CFAP74: variants seen among roughly 807,000 people sequenced by gnomAD.
CFAP74 encodes the protein cilia and flagella associated protein 74, also known as cilia- and flagella-associated protein 74.
In CFAP74, 124 loss-of-function variants were observed where a neutral mutation model predicts 188.9. The observed-to-expected ratio is 0.66, with a 90% CI of 0.57 to 0.76. The LOEUF is 0.76. Among genes scored for constraint, CFAP74 ranks in the 30% least tolerant of loss-of-function variants. CFAP74 has a pLI of 0.00. For missense variants in CFAP74, 2,198 were observed against 2,165.2 expected, an observed-to-expected ratio of 1.02 and a Z score of -0.30; for synonymous variants, 956 against 916.7, an observed-to-expected ratio of 1.04 and a Z score of -0.77.
At chr1:1,985,587 G>A (rs1657184212) in intron 5 of CFAP74, 97 bp from the exon 6 acceptor site, 3 of 992,626 alleles carry the variant, frequency 3.0e-6, no homozygotes, top group Non-Finnish European at 4.7e-6. Context: ...CTCTCGCTCA[G>A]GAGGGAAATC....
intron 6 of CFAP74, among the ~76,000 whole-genome samples, chr1:1,977,746 C>A (rs555771408): frequency 1.4e-5 from 2 of 147,610 alleles, no homozygotes; most frequent in African/African-American, 5.0e-5. Context: ...TCGAGGAAAC[C>A]TGGACCCAAG....
chr1:1,926,041 C>G (rs1304953680), intron 32 of CFAP74, 103 bp from the exon 33 acceptor site: 2 of 1,418,054 alleles, frequency 1.4e-6, no homozygotes, highest in African/African-American at 1.4e-5. Context: ...GTTGAGACAG[C>G]TCTGGGGGGG....
rs200143723 is a variant in CFAP74, at chr1:1,938,394, GCACT to G, written c.3011+457_3011+460del. The stretch of plus-strand genomic sequence containing the variant: ...CACCCACCTACGTGTACTCACATAG[GCACT>G]CACCCCCATACACTCACATACCTGC... On this transcript the variant is annotated intron_variant, in intron 25 of 38. Coordinates refer to ENST00000682832, the MANE Select transcript of CFAP74 (RefSeq NM_001304360.2). Among the ~76,000 whole-genome samples, 1,157 of 149,812 alleles carry G rather than the reference GCACT, an allele frequency of 7.7e-3. 12 individuals are homozygous for G. Among genetic ancestry groups the G allele is most frequent in the African/African-American group, 0.027 (1,100 of 40,464 alleles).
At chr1:1,939,793 C>A in intron 23 of CFAP74, 26 bp from the exon 24 acceptor site, 1 of 1,525,454 alleles carries the variant, frequency 6.6e-7, no homozygotes, top group South Asian at 1.2e-5. Context: ...CACAGGCGCC[C>A]TCGCAGCCAC....
chr1:1,968,481 G>A lies in CFAP74; in HGVS notation c.1245+154C>T, dbSNP rs563103319. Among the ~76,000 whole-genome samples, 3 of 152,082 alleles carry A rather than the reference G, an allele frequency of 2.0e-5. No individual in the cohort carries two copies. In the South Asian group the frequency reaches 6.2e-4, roughly 32 times the overall value. On this transcript the variant is annotated intron_variant, in intron 11 of 38. Coordinates refer to ENST00000682832, the MANE Select transcript of CFAP74 (RefSeq NM_001304360.2). This position sits in a 1 kb window ranked among gnomAD's most constrained non-coding sequence, Gnocchi z 4.3. Reference sequence around the variant, plus strand: ...GTGTGTCTTGTCCCCTTGTCCTTGAGCTGAGTGGCGGCCACTCAGCGGGCT... The same window carrying A: ...GTGTGTCTTGTCCCCTTGTCCTTGAACTGAGTGGCGGCCACTCAGCGGGCT...
chr1:1,946,468 G>T (rs1240244123), intron 19 of CFAP74, 29 bp from the exon 20 acceptor site: 2 of 1,511,298 alleles, frequency 1.3e-6, no homozygotes, highest in Admixed American at 4.2e-5. Flanking sequence ...CATGGGGTCT[G>T]CCAGGCTTCA....
At chr1:1,927,419 T>C in intron 28 of CFAP74, 188 bp downstream of exon 28, 1 of 626,574 alleles carries the variant, frequency 1.6e-6, no homozygotes, top group Non-Finnish European at 2.7e-6. Context: ...GTGTCAGGCC[T>C]GGGGAAATGG....
At chr1:1,990,819 G>A in intron 2 of CFAP74, 71 bp downstream of exon 2, 2 of 1,176,252 alleles carry the variant, frequency 1.7e-6, no homozygotes, top group African/African-American at 3.1e-5. Context: ...GAATTAAAGG[G>A]CTACTATGAA....
chr1:1,993,916 A>G lies in CFAP74; in HGVS notation c.-19-2941T>C, dbSNP rs949223608. On this transcript the variant is annotated intron_variant, in intron 1 of 38. Coordinates refer to ENST00000682832, the MANE Select transcript of CFAP74 (RefSeq NM_001304360.2). The stretch of plus-strand genomic sequence containing the variant: ...AGAATGGCGTGAACCCGGGAGGCGG[A>G]GCTTGCAGTGAGCCGAGATCACACC... 1.3e-4 allele frequency among the ~76,000 whole-genome samples: 20 copies of G among 151,098 alleles called. No homozygotes were observed. The East Asian group carries it at 2.1e-3, about 16-fold the overall frequency.
chr1:1,926,174 T>G, intron 32 of CFAP74, 54 bp downstream of exon 32: 1 of 1,464,460 alleles, frequency 6.8e-7, no homozygotes, highest in Non-Finnish European at 9.0e-7. Context: ...GCCTTTGTTC[T>G]GCAGTGTGGG....
In CFAP74 at chr1:1,946,306, G is replaced by T; in HGVS notation, c.2364+11C>A. ...AGGGTGTGTGCGTGGCGTGGCAGCA[G>T]GAATACTCACCGTGGGGCACTGGGG... On this transcript the variant is annotated intron_variant, in intron 20 of 38. Coordinates refer to ENST00000682832, the MANE Select transcript of CFAP74 (RefSeq NM_001304360.2). 6.5e-7 allele frequency: 1 copy of T among 1,532,878 alleles called. No individual in the cohort carries two copies. Among genetic ancestry groups the T allele is most frequent in the Non-Finnish European group, 8.7e-7 (1 of 1,144,714 alleles). 95.0% of individuals were successfully genotyped at this position (1,532,878 alleles called of 1,614,324 possible).
In CFAP74 at chr1:1,985,372, G is replaced by C. The variant is rs1553233372; in HGVS notation, c.500+14C>G. On this transcript the variant is annotated intron_variant, in intron 6 of 38. Transcript: ENST00000682832. ...GGCCTGCCTGCTGCCAGTCCCGGCTGCACACCGACTCACTCGCTCTCCTTC... is the reference window on the plus strand; with the variant it reads ...GGCCTGCCTGCTGCCAGTCCCGGCTCCACACCGACTCACTCGCTCTCCTTC... 6.2e-7 allele frequency: 1 copy of C among 1,608,222 alleles called. No homozygotes were observed.
intron 6 of CFAP74, chr1:1,984,792 G>A (rs890551253): frequency 6.5e-6 from 1 of 153,668 alleles, no homozygotes; most frequent in Non-Finnish European, 1.4e-5. Context: ...GTGGCCTGAG[G>A]CCTGCACTCA....
chr1:1,970,946 C>T (rs1002402976), intron 9 of CFAP74, 130 bp from the exon 10 acceptor site: 3 of 1,103,684 alleles, frequency 2.7e-6, no homozygotes, highest in African/African-American at 1.6e-5. Flanking sequence ...CACATGCACA[C>T]CTGCACATGC....
At chr1:1,996,108 C>G (rs981297574) in intron 1 of CFAP74, among the ~76,000 whole-genome samples, 3 of 152,060 alleles carry the variant, frequency 2.0e-5, no homozygotes, top group Admixed American at 6.6e-5. Flanking sequence ...CCCCAGCCTC[C>G]TGGGCAGCTG....
rs1471611129 is a variant in CFAP74, at chr1:1,968,978, C to T, written c.1047-145G>A. On this transcript the variant is annotated intron_variant, in intron 10 of 38. Coordinates refer to ENST00000682832, the MANE Select transcript of CFAP74 (RefSeq NM_001304360.2). This position sits in a 1 kb window ranked among gnomAD's most constrained non-coding sequence, Gnocchi z 4.3. ...CAGCCCCAGGTGAGACAGCGCCTGG[C>T]GGCCCCTCCCTAGCTCCCTCCTGGG... 10 of 407,588 alleles carry T rather than the reference C, an allele frequency of 2.5e-5. No individual in the cohort carries two copies. Among genetic ancestry groups the T allele is most frequent in the East Asian group, 5.0e-5 (1 of 20,142 alleles). The allele number at this position is 407,588 out of a possible 1,614,324, so 25.2% of individuals were successfully genotyped here.
intron 5 of CFAP74, among the ~76,000 whole-genome samples, 194 bp from the exon 6 acceptor site, chr1:1,985,684 A>G (rs1323826449): frequency 6.6e-6 from 1 of 152,220 alleles, no homozygotes; most frequent in African/African-American, 2.4e-5. Context: ...CAGTGCCCAC[A>G]TGGCACAGCC....
chr1:1,995,967 TCAAA>T (rs1657894677), intron 1 of CFAP74, among the ~76,000 whole-genome samples: 1 of 151,788 alleles, frequency 6.6e-6, no homozygotes, highest in Non-Finnish European at 1.5e-5. Context: ...CCAAAAAAAA[TCAAA>T]CTAACTTTTT....
At chr1:1,991,994 C>G (rs1380883825) in intron 1 of CFAP74, among the ~76,000 whole-genome samples, 2 of 147,844 alleles carry the variant, frequency 1.4e-5, no homozygotes, top group East Asian at 2.1e-4. Context: ...GAGCCGAGAT[C>G]GCGCCACTGC....
Sources: allele counts gnomAD v4.1 joint callset (sites outside exome capture counted in the v4.1 genomes callset), GRCh38; gene constraint gnomAD v4.1.1; non-coding constraint Gnocchi (gnomAD v3.1); transcripts MANE v1.5; gene names NCBI Gene and HGNC (gene_info 2026-07-23, HGNC 2026-07-21).